RBFOX1: variants seen among roughly 807,000 people sequenced by gnomAD.
RBFOX1 encodes RNA binding protein fox-1 homolog 1.
RBFOX1 carries 8 observed loss-of-function variants against 57.7 expected under a neutral mutation model. That is an observed-to-expected ratio of 0.14 (90% CI 0.08 to 0.25). The LOEUF (loss-of-function observed/expected upper bound fraction) is 0.25. RBFOX1 is among the 10% of genes least tolerant of loss of function. The pLI, the probability that RBFOX1 is intolerant of heterozygous loss-of-function variation, is 1.00. For synonymous variants in RBFOX1, 326 were observed against 222.4 expected (o/e 1.47, Z -4.15); for missense variants, 611 against 548.5 (o/e 1.11, Z -1.14).
chr16:6,000,139 A>G (rs2060571320), intron 4 of RBFOX1, among the ~76,000 whole-genome samples: 1 of 152,128 alleles, frequency 6.6e-6, no homozygotes, highest in African/African-American at 2.4e-5. Flanking sequence ...ACGTTCACTC[A>G]GTGAGAGAAT....
chr16:6,991,191 G>A (rs886421292), intron 3 of RBFOX1, among the ~76,000 whole-genome samples: 10 of 145,774 alleles, frequency 6.9e-5, no homozygotes, highest in African/African-American at 2.5e-4. Context: ...TTTAGTTCCA[G>A]TTACAGAATG....
At chr16:5,573,532 A>AACCTGAGAGGAAT (rs2046354278) in intron 2 of RBFOX1, among the ~76,000 whole-genome samples, 1 of 152,216 alleles carries the variant, frequency 6.6e-6, no homozygotes, top group Non-Finnish European at 1.5e-5. Context: ...TGAGAGGTTC[A>AACCTGAGAGGAAT]GCTCCACGGA....
At chr16:6,194,008 C>T (rs2097164085) in intron 1 of RBFOX1, among the ~76,000 whole-genome samples, 1 of 152,176 alleles carries the variant, frequency 6.6e-6, no homozygotes, top group African/African-American at 2.4e-5. Flanking sequence ...TGCCTCTAAG[C>T]TGATGAAGCC....
intron 4 of RBFOX1, among the ~76,000 whole-genome samples, chr16:5,897,664 A>T (rs1366276265): frequency 6.6e-6 from 1 of 152,144 alleles, no homozygotes; most frequent in Non-Finnish European, 1.5e-5. Flanking sequence ...GGATAAGGTG[A>T]ACAAACCTTT....
chr16:7,042,236 A>C (rs2046403158), intron 3 of RBFOX1, among the ~76,000 whole-genome samples: 1 of 152,354 alleles, frequency 6.6e-6, no homozygotes, highest in African/African-American at 2.4e-5. Context: ...GTCAGGGCAC[A>C]GTAGCTAATG....
intron 1 of RBFOX1, among the ~76,000 whole-genome samples, chr16:6,074,435 A>G (rs1275649971): frequency 6.6e-6 from 1 of 152,184 alleles, no homozygotes; most frequent in Non-Finnish European, 1.5e-5. Flanking sequence ...CCCTGAACCA[A>G]TCATGATAAA....
chr16:6,104,495 A>T (rs1478438594), intron 1 of RBFOX1, among the ~76,000 whole-genome samples: 1 of 152,188 alleles, frequency 6.6e-6, no homozygotes, highest in Admixed American at 6.5e-5. Context: ...ATCTTTAGAA[A>T]ATTTACAGTC....
At chr16:6,693,900 A>T (rs921235891) in intron 3 of RBFOX1, among the ~76,000 whole-genome samples, 7 of 152,252 alleles carry the variant, frequency 4.6e-5, no homozygotes, top group African/African-American at 1.7e-4. Flanking sequence ...TGGATCCTTT[A>T]TGAGAATCAT....
chr16:6,886,875 C>T (rs1367925941), intron 3 of RBFOX1, among the ~76,000 whole-genome samples: 4 of 152,030 alleles, frequency 2.6e-5, no homozygotes, highest in African/African-American at 4.8e-5. Flanking sequence ...GAGATGCTTC[C>T]GAAATTTTGT....
At chr16:7,653,107 A>G (rs1383836782) in intron 11 of RBFOX1, among the ~76,000 whole-genome samples, 1 of 152,232 alleles carries the variant, frequency 6.6e-6, no homozygotes, top group Non-Finnish European at 1.5e-5. Context: ...ACACATGCAT[A>G]TACACATATG....
At chr16:5,903,269 A>G (rs1315300174) in intron 4 of RBFOX1, among the ~76,000 whole-genome samples, 1 of 152,064 alleles carries the variant, frequency 6.6e-6, no homozygotes, top group Non-Finnish European at 1.5e-5. Flanking sequence ...GCTCTGACAT[A>G]TTTCACCACT....
intron 2 of RBFOX1, among the ~76,000 whole-genome samples, chr16:5,475,020 C>T (rs1369823139): frequency 1.3e-5 from 2 of 152,156 alleles, no homozygotes; most frequent in African/African-American, 4.8e-5. Context: ...ATGGGTAGGC[C>T]TGGGCATGCT....
At chr16:5,663,940 C>T (rs570654758) in intron 3 of RBFOX1, among the ~76,000 whole-genome samples, 34 of 152,290 alleles carry the variant, frequency 2.2e-4, no homozygotes, top group African/African-American at 7.7e-4. Flanking sequence ...GCCTTCCCTT[C>T]AGGGACAAGC....
At chr16:6,196,794 T>C (rs941564514) in intron 1 of RBFOX1, among the ~76,000 whole-genome samples, 2 of 151,832 alleles carry the variant, frequency 1.3e-5, no homozygotes, top group African/African-American at 4.9e-5. Flanking sequence ...AATGTCTGGT[T>C]CATCTTTTTT....
At chr16:6,718,615 G>A (rs999905740) in intron 3 of RBFOX1, among the ~76,000 whole-genome samples, 1 of 152,140 alleles carries the variant, frequency 6.6e-6, no homozygotes, top group African/African-American at 2.4e-5. Context: ...CAATATTGGA[G>A]GAGGAGCCTG....
At chr16:6,806,414 T>G (rs12927802) in intron 3 of RBFOX1, among the ~76,000 whole-genome samples, 24,328 of 152,102 alleles carry the variant, frequency 0.16, 2,091 homozygotes, top group Middle Eastern at 0.2. Flanking sequence ...GTAATACATT[T>G]GCATCTTTTT....
At chr16:6,114,282 T>C (rs1456842483) in intron 1 of RBFOX1, among the ~76,000 whole-genome samples, 5 of 152,246 alleles carry the variant, frequency 3.3e-5, no homozygotes, top group Admixed American at 1.3e-4. Context: ...GAAATTCTTC[T>C]GTCGTTGACC....
intron 4 of RBFOX1, among the ~76,000 whole-genome samples, chr16:7,495,176 C>T (rs1256874453): frequency 2.0e-5 from 3 of 152,172 alleles, no homozygotes; most frequent in Admixed American, 6.6e-5. Flanking sequence ...GCATAGTATT[C>T]CATGGTGTAG....
At chr16:6,118,000 T>A (rs2152618140) in intron 1 of RBFOX1, among the ~76,000 whole-genome samples, 1 of 152,336 alleles carries the variant, frequency 6.6e-6, no homozygotes, top group Admixed American at 6.5e-5. Context: ...AAGTAGCAGC[T>A]GTAAATAATT....
Sources: allele counts gnomAD v4.1 joint callset (sites outside exome capture counted in the v4.1 genomes callset), GRCh38; gene constraint gnomAD v4.1.1; transcripts MANE v1.5; gene names NCBI Gene and HGNC (gene_info 2026-07-23, HGNC 2026-07-21).